Variants in ANAPC4 observed in about 807,000 individuals in gnomAD.
ANAPC4 encodes anaphase promoting complex subunit 4.
A neutral mutation model predicts 119.8 loss-of-function variants in ANAPC4; 63 were observed. That is an observed-to-expected ratio of 0.53 (90% confidence interval 0.43 to 0.65). The LOEUF (loss-of-function observed/expected upper bound fraction) is 0.65, where lower values mean the gene tolerates loss of function less well. Ranked by LOEUF, ANAPC4 falls within the 30% of genes least tolerant of loss-of-function variation. ANAPC4 has a pLI of 0.00. For synonymous variants in ANAPC4, 283 were observed against 318.6 expected, an observed-to-expected ratio of 0.89 and a Z score of 1.19; for missense variants, 716 against 945.1, an observed-to-expected ratio of 0.76 and a Z score of 3.18.
chr4:25,416,304 T>C (rs1311832047), intron 26 of ANAPC4, 121 bp from the exon 27 acceptor site: 5 of 512,636 alleles, frequency 9.8e-6, no homozygotes, highest in Non-Finnish European at 1.6e-5. Flanking sequence ...TTAAATGTTA[T>C]TGTACAGAAT....
intron 6 of ANAPC4, 37 bp from the exon 7 acceptor site, chr4:25,388,801 G>A (rs1414887318): frequency 6.2e-7 from 1 of 1,601,026 alleles, no homozygotes; most frequent in Non-Finnish European, 8.5e-7. Flanking sequence ...TTGGAAGACA[G>A]AATTGAAAGA....
At chr4:25,394,422 GTAAT>G (rs746767460) in intron 12 of ANAPC4, 48 bp downstream of exon 12, 7 of 1,468,472 alleles carry the variant, frequency 4.8e-6, no homozygotes, top group Non-Finnish European at 6.4e-6. Flanking sequence ...TTTTTTAACA[GTAAT>G]TATTTATTTG....
intron 20 of ANAPC4, among the ~76,000 whole-genome samples, chr4:25,409,170 G>A (rs1386617747): frequency 2.0e-5 from 3 of 152,058 alleles, no homozygotes; most frequent in Non-Finnish European, 1.5e-5. Context: ...GATTCCCAGG[G>A]GCTTGTGGAT....
chr4:25,416,074 A>G (rs1723855159), intron 26 of ANAPC4: 1 of 175,178 alleles, frequency 5.7e-6, no homozygotes, highest in Non-Finnish European at 1.2e-5. Flanking sequence ...TCTTATTTTT[A>G]TTTCTCAGTC....
At chr4:25,392,840 TC>T (rs1161440908) in intron 10 of ANAPC4, among the ~76,000 whole-genome samples, 2 of 152,190 alleles carry the variant, frequency 1.3e-5, no homozygotes, top group Admixed American at 6.5e-5. Context: ...CTAGACTTGG[TC>T]ATGCCAGCTG....
At chr4:25,387,180 G>A (rs315666) in intron 4 of ANAPC4, among the ~76,000 whole-genome samples, 137,309 of 152,198 alleles carry the variant, frequency 0.9, 62,236 homozygotes, top group African/African-American at 0.98. Context: ...ATTAGTGTGT[G>A]TAGTCAAGTA....
At chr4:25,409,357 T>C (rs7663274) in intron 20 of ANAPC4, among the ~76,000 whole-genome samples, 115,798 of 152,076 alleles carry the variant, frequency 0.76, 44,302 homozygotes, top group Non-Finnish European at 0.79. Flanking sequence ...TAATACTTTG[T>C]GGTTTGTTTA....
Position 25,377,315 on chromosome 4 carries a change from G to A in ANAPC4, c.-40G>A, listed in dbSNP as rs557241122. On this transcript the variant is annotated 5_prime_UTR_variant, in exon 1 of 29. It adds an upstream start codon to the 5' untranslated region. Coordinates refer to ENST00000315368, the MANE Select transcript of ANAPC4 (RefSeq NM_013367.3). Reference sequence around the variant, plus strand: ...AGGGAGGGGAGAGGCCACTGGGGCCGTGTTAGTCTGCCGGTGGGGACTCTT... The same window carrying A: ...AGGGAGGGGAGAGGCCACTGGGGCCATGTTAGTCTGCCGGTGGGGACTCTT... The A allele has an allele frequency of 1.8e-5, 26 of 1,436,890 alleles. No individual in the cohort carries two copies. The African/African-American group carries it at 3.2e-4, about 18-fold the overall frequency. The allele number at this position is 1,436,890 out of a possible 1,614,324, so 89.0% of individuals were successfully genotyped here. A position where few individuals can be genotyped will look rare whatever the true frequency, so the allele number is the denominator to read the frequency against.
Position 25,394,924 on chromosome 4 carries a change from AT to A in ANAPC4, c.1061+25del. The A allele has an allele frequency of 1.3e-6, 2 of 1,594,654 alleles. No individual in the cohort carries two copies. Among genetic ancestry groups the A allele is most frequent in the African/African-American group, 1.3e-5 (1 of 74,302 alleles). ...TACAGAGGTATGAAGGTGACGTAGAATTTTTTGGTATTGTATCCACACATAC... is the reference window on the plus strand; with the variant it reads ...TACAGAGGTATGAAGGTGACGTAGAATTTTTGGTATTGTATCCACACATAC... On this transcript the variant is annotated intron_variant, in intron 14 of 28. Transcript: ENST00000315368.
intron 16 of ANAPC4, among the ~76,000 whole-genome samples, chr4:25,399,424 A>G (rs758852176): frequency 2.0e-5 from 3 of 152,068 alleles, no homozygotes; most frequent in African/African-American, 7.2e-5. Context: ...TTTAAGAAGC[A>G]CATCATGTAT....
At chr4:25,378,929 G>A (rs550963582) in intron 2 of ANAPC4, among the ~76,000 whole-genome samples, 78 of 152,278 alleles carry the variant, frequency 5.1e-4, no homozygotes, top group African/African-American at 1.8e-3. Flanking sequence ...TTGAAGTTAC[G>A]TGCAAGAGGA....
At chr4:25,400,485 G>T (rs10016572) in intron 16 of ANAPC4, among the ~76,000 whole-genome samples, 61,563 of 151,714 alleles carry the variant, frequency 0.41, 14,499 homozygotes, top group Non-Finnish European at 0.52. Context: ...AGGATGGGGA[G>T]GCGGTGTTGG....
chr4:25,414,178 T>C, intron 22 of ANAPC4, 146 bp from the exon 23 acceptor site: 1 of 576,710 alleles, frequency 1.7e-6, no homozygotes, highest in Non-Finnish European at 2.9e-6. Context: ...ACTGTTACAA[T>C]TGTCATTAAC....
intron 28 of ANAPC4, 126 bp downstream of exon 28, chr4:25,417,865 C>T (rs1345630529): frequency 7.7e-7 from 1 of 1,301,526 alleles, no homozygotes; most frequent in African/African-American, 1.5e-5. Context: ...TGATTTATAG[C>T]TTGTATTGAT....
chr4:25,387,382 A>G (rs1306337300), intron 4 of ANAPC4, among the ~76,000 whole-genome samples: 2 of 152,232 alleles, frequency 1.3e-5, no homozygotes, highest in Non-Finnish European at 2.9e-5. Flanking sequence ...CAGCTTTCCT[A>G]AGGGAAGCCT....
chr4:25,416,381 A>G (rs750222970), intron 26 of ANAPC4, 44 bp from the exon 27 acceptor site: 137 of 1,323,378 alleles, frequency 1.0e-4, no homozygotes, highest in Non-Finnish European at 1.3e-4. Context: ...TTTTCTCAGT[A>G]GTCACGATCA....
In ANAPC4 at chr4:25,387,327, C is replaced by T. The variant is rs559064437; in HGVS notation, c.369-1173C>T. Among the ~76,000 whole-genome samples the T allele has an allele frequency of 1.5e-4, 23 of 152,158 alleles. No individual in the cohort carries two copies. In the South Asian group the frequency reaches 4.6e-3, roughly 30 times the overall value. The stretch of plus-strand genomic sequence containing the variant: ...ACTTTTCCTTTCTAATTAAGTTATA[C>T]TAAGGTAATATCAAATGAATTTGTA... On this transcript the variant is annotated intron_variant, in intron 4 of 28. Coordinates refer to ENST00000315368, the MANE Select transcript of ANAPC4 (RefSeq NM_013367.3).
At chr4:25,394,551 T>C in intron 12 of ANAPC4, 120 bp from the exon 13 acceptor site, 1 of 1,184,200 alleles carries the variant, frequency 8.4e-7, no homozygotes, top group Non-Finnish European at 1.2e-6. Context: ...GCGTAGAATT[T>C]TTTGTGGGGC....
At chr4:25,388,906 C>T in intron 7 of ANAPC4, 24 bp downstream of exon 7, 2 of 1,542,716 alleles carry the variant, frequency 1.3e-6, no homozygotes, top group African/African-American at 1.4e-5. Context: ...ATAAATAAGT[C>T]TAATTTCTTA....
Sources: allele counts gnomAD v4.1 joint callset (sites outside exome capture counted in the v4.1 genomes callset), GRCh38; gene constraint gnomAD v4.1.1; transcripts MANE v1.5; gene names NCBI Gene and HGNC (gene_info 2026-07-23, HGNC 2026-07-21).